The following KHDRBS1 variants were observed in gnomAD, a reference collection of about 807,000 sequenced individuals.
KHDRBS1 encodes the protein KH domain-containing, RNA-binding, signal transduction-associated protein 1.
In KHDRBS1, 7 loss-of-function variants were observed where a neutral mutation model predicts 48.4. That is an observed-to-expected ratio of 0.14 (90% CI 0.08 to 0.27). The LOEUF is 0.27. Ranked by LOEUF, KHDRBS1 falls within the 10% of genes least tolerant of loss-of-function variation. The pLI, the probability that KHDRBS1 is intolerant of heterozygous loss-of-function variation, is 1.00. For missense variants in KHDRBS1, 458 were observed against 601.2 expected (o/e 0.76, Z 2.49); for synonymous variants, 241 against 235.8 (o/e 1.02, Z -0.20).
At chr1:32,052,309 T>C in intron 10 of KHDRBS1, 1 of 151,842 alleles carries the variant, frequency 6.6e-6, no homozygotes, top group African/African-American at 2.4e-5. Context: ...TTGTAAATTG[T>C]GTCTTTAAGT....
At chr1:32,037,638 G>A (rs573657521) in intron 5 of KHDRBS1, among the ~76,000 whole-genome samples, 197 bp from the exon 6 acceptor site, 1 of 152,266 alleles carries the variant, frequency 6.6e-6, no homozygotes, top group East Asian at 1.9e-4. Context: ...AGGCAGTGCA[G>A]TGATGAATTG....
intron 8 of KHDRBS1, among the ~76,000 whole-genome samples, chr1:32,040,054 G>C (rs572153739): frequency 6.6e-6 from 1 of 152,170 alleles, no homozygotes; most frequent in South Asian, 2.1e-4. Context: ...TCATTGTAAA[G>C]GAAATGTCAG....
chr1:32,055,036 C>T (rs984106677), intron 10 of KHDRBS1, among the ~76,000 whole-genome samples: 2 of 152,142 alleles, frequency 1.3e-5, no homozygotes, highest in African/African-American at 4.8e-5. Context: ...TCCTTAGCTG[C>T]CTGCTGGTCT....
chr1:32,014,459 G>T, intron 1 of KHDRBS1, 82 bp downstream of exon 1: 2 of 1,235,418 alleles, frequency 1.6e-6, no homozygotes, highest in Non-Finnish European at 1.0e-6. Context: ...CTCGCTTCCC[G>T]CCCCCTCGGG....
intron 1 of KHDRBS1, among the ~76,000 whole-genome samples, chr1:32,025,623 C>T (rs945367590): frequency 5.4e-5 from 8 of 148,712 alleles, no homozygotes; most frequent in Non-Finnish European, 1.0e-4. Context: ...CTTGAAAGCT[C>T]GAGTAGCTTC....
At chr1:32,024,606 T>C (rs1300679872) in intron 1 of KHDRBS1, among the ~76,000 whole-genome samples, 3 of 151,986 alleles carry the variant, frequency 2.0e-5, no homozygotes, top group Non-Finnish European at 4.4e-5. Flanking sequence ...GGATTATAGA[T>C]GTGAGCCCCT....
Position 32,013,896 on chromosome 1 carries a change from G to C in KHDRBS1, c.-100G>C. On this transcript the variant is annotated 5_prime_UTR_variant, in exon 1 of 9. Transcript: ENST00000327300. ...TCGCTGGGTCGCTCGGGTCGGCTTCGGTCGCTACCGCTCCCGCTCTGCCAC... is the reference window on the plus strand; with the variant it reads ...TCGCTGGGTCGCTCGGGTCGGCTTCCGTCGCTACCGCTCCCGCTCTGCCAC... 7.6e-6 allele frequency: 9 copies of C among 1,191,298 alleles called. No homozygotes were observed. The highest frequency in any genetic ancestry group is 9.7e-6 in the Non-Finnish European group (9 of 926,660). 73.8% of individuals were successfully genotyped at this position (1,191,298 alleles called of 1,614,324 possible).
chr1:32,045,114 C>A (rs1639341938), downstream of KHDRBS1, among the ~76,000 whole-genome samples: 1 of 152,142 alleles, frequency 6.6e-6, no homozygotes. Flanking sequence ...CTGCTGCACC[C>A]CAAAAGCTTT....
At chr1:32,045,521 G>A (rs968834670), downstream of KHDRBS1, 1 of 152,430 alleles carries the variant, frequency 6.6e-6, no homozygotes, top group African/African-American at 2.4e-5. Flanking sequence ...CCTTATTTAC[G>A]ACATGACCAC....
At chr1:32,034,300 C>T (rs1404871838) in intron 4 of KHDRBS1, among the ~76,000 whole-genome samples, 1 of 152,206 alleles carries the variant, frequency 6.6e-6, no homozygotes, top group Non-Finnish European at 1.5e-5. Context: ...CGGTGGCTCA[C>T]GCCTGTAATC....
intron 4 of KHDRBS1, among the ~76,000 whole-genome samples, chr1:32,034,724 T>C (rs1057196615): frequency 2.0e-5 from 3 of 151,990 alleles, no homozygotes; most frequent in African/African-American, 7.3e-5. Context: ...ACACCTGTAA[T>C]CCCAGCATTT....
chr1:32,014,867 A>G (rs373230347), intron 1 of KHDRBS1, among the ~76,000 whole-genome samples: 56 of 152,352 alleles, frequency 3.7e-4, no homozygotes, highest in African/African-American at 1.3e-3. Flanking sequence ...TGCCCTGTCC[A>G]GTGCCTTGCT....
chr1:32,040,787 C>G (rs1209392098), intron 8 of KHDRBS1, among the ~76,000 whole-genome samples: 5 of 152,206 alleles, frequency 3.3e-5, no homozygotes, highest in Non-Finnish European at 5.9e-5. Context: ...CGCTAAGATA[C>G]TGGTTGACAG....
At chr1:32,020,491 A>G (rs1638836649) in intron 1 of KHDRBS1, among the ~76,000 whole-genome samples, 1 of 152,160 alleles carries the variant, frequency 6.6e-6, no homozygotes. Context: ...AGGGAAATTA[A>G]AACTCAACAC....
At chr1:32,022,889 C>CAA (rs113782158) in intron 1 of KHDRBS1, among the ~76,000 whole-genome samples, 3 of 126,876 alleles carry the variant, frequency 2.4e-5, no homozygotes, top group Non-Finnish European at 3.4e-5. Flanking sequence ...GACCCTGTCT[C>CAA]AAAAAAAAAA....
chr1:32,026,247 C>T (rs922576519), intron 1 of KHDRBS1, among the ~76,000 whole-genome samples: 2 of 152,148 alleles, frequency 1.3e-5, no homozygotes, highest in African/African-American at 2.4e-5. Context: ...TGGCTCACTA[C>T]AGCCTCCAAC....
chr1:32,055,347 C>T (rs1639469620), intron 10 of KHDRBS1, among the ~76,000 whole-genome samples: 1 of 152,010 alleles, frequency 6.6e-6, no homozygotes, highest in Non-Finnish European at 1.5e-5. Context: ...ACTTGGGAGG[C>T]TGAGGCAGGG....
chr1:32,038,441 T>C, intron 6 of KHDRBS1, 111 bp from the exon 7 acceptor site: 1 of 1,043,668 alleles, frequency 9.6e-7, no homozygotes, highest in Non-Finnish European at 1.4e-6. Flanking sequence ...TGGAGGGAAA[T>C]GTCATGTCCT....
At chr1:32,058,594 G>A (rs1341627706) in intron 10 of KHDRBS1, among the ~76,000 whole-genome samples, 1 of 152,164 alleles carries the variant, frequency 6.6e-6, no homozygotes, top group East Asian at 1.9e-4. Context: ...CTGATGAGTG[G>A]AGAATGGTTA....
Sources: allele counts gnomAD v4.1 joint callset (sites outside exome capture counted in the v4.1 genomes callset), GRCh38; gene constraint gnomAD v4.1.1; transcripts MANE v1.5; gene names NCBI Gene and HGNC (gene_info 2026-07-23, HGNC 2026-07-21).